Variants in SLC9C1 observed in about 807,000 individuals in gnomAD.
SLC9C1 encodes solute carrier family 9 member C1, also known as sodium/hydrogen exchanger 10.
SLC9C1 carries 97 observed loss-of-function variants against 140.9 expected under a neutral mutation model. The observed-to-expected ratio is 0.69, with a 90% confidence interval of 0.58 to 0.82. The LOEUF (loss-of-function observed/expected upper bound fraction) is 0.82, where lower values mean the gene tolerates loss of function less well. Among genes scored for constraint, SLC9C1 ranks in the 40% least tolerant of loss-of-function variants. The probability of loss-of-function intolerance (pLI) is 0.00; values close to 1 mark genes in which losing one functional copy is unlikely to be tolerated. For missense variants in SLC9C1, 1,340 were observed against 1,389.3 expected, an observed-to-expected ratio of 0.96 and a Z score of 0.56; for synonymous variants, 440 against 442.6, an observed-to-expected ratio of 0.99 and a Z score of 0.07.
At chr3:112,241,679 C>T (rs2079142543) in intron 11 of SLC9C1, among the ~76,000 whole-genome samples, 1 of 152,160 alleles carries the variant, frequency 6.6e-6, no homozygotes, top group Admixed American at 6.5e-5. Context: ...AGAAGCATCA[C>T]ACTACTTGAC....
Position 112,167,262 on chromosome 3 carries a change from A to G in SLC9C1, c.3323T>C (p.Phe1108Ser). The change falls in exon 26 of 29, where the codon TTT becomes TCT. Residue 1108 changes from phenylalanine to serine, a missense_variant. Coordinates refer to ENST00000305815, the MANE Select transcript of SLC9C1 (RefSeq NM_183061.3). ...MKTFRRNIRKFVPKHKSYLTP... is the reference protein window; with the variant it reads ...MKTFRRNIRKSVPKHKSYLTP... ...AAGATAACTTTTATGTTTAGGAACA[A>G]ACTTTCTAATATTCCTTCTGAATGT... The G allele has an allele frequency of 6.2e-7, 1 of 1,610,042 alleles. No homozygotes were observed. The highest frequency in any genetic ancestry group is 8.5e-7 in the Non-Finnish European group (1 of 1,178,364).
intron 27 of SLC9C1, among the ~76,000 whole-genome samples, 158 bp downstream of exon 27, chr3:112,154,839 C>G (rs1576217105): frequency 6.6e-6 from 1 of 152,168 alleles, no homozygotes; most frequent in Non-Finnish European, 1.5e-5. Context: ...ATAATTTCCA[C>G]TGTACCCAGT....
intron 6 of SLC9C1, among the ~76,000 whole-genome samples, chr3:112,271,566 T>A (rs2080079912): frequency 6.6e-6 from 1 of 152,080 alleles, no homozygotes; most frequent in Non-Finnish European, 1.5e-5. Flanking sequence ...AAGCCACGCT[T>A]AAGTTTGTAA....
chr3:112,246,379 A>T (rs1198163020), intron 10 of SLC9C1, among the ~76,000 whole-genome samples: 3 of 152,182 alleles, frequency 2.0e-5, no homozygotes, highest in Non-Finnish European at 4.4e-5. Flanking sequence ...AAACTATATT[A>T]AAAAAACAAA....
chr3:112,165,317 A>G (rs1177464169), intron 26 of SLC9C1, among the ~76,000 whole-genome samples: 1 of 152,088 alleles, frequency 6.6e-6, no homozygotes. Context: ...GCTGGTGAGG[A>G]GCTGCATTCC....
At chr3:112,249,473 T>C (rs1276109861) in intron 10 of SLC9C1, among the ~76,000 whole-genome samples, 1 of 152,102 alleles carries the variant, frequency 6.6e-6, no homozygotes, top group African/African-American at 2.4e-5. Context: ...GCTGGCCTCA[T>C]AGTGTAAGTT....
At chr3:112,146,798 G>A (rs557421929) in intron 28 of SLC9C1, among the ~76,000 whole-genome samples, 46 of 152,230 alleles carry the variant, frequency 3.0e-4, no homozygotes, top group Middle Eastern at 3.4e-3. Flanking sequence ...GATGGGTGGC[G>A]TATTCTGTAG....
chr3:112,146,540 G>C (rs1014850604), intron 28 of SLC9C1, among the ~76,000 whole-genome samples: 1 of 151,980 alleles, frequency 6.6e-6, no homozygotes, highest in Non-Finnish European at 1.5e-5. Context: ...AGTTGTTTTT[G>C]ATTTTTGCCT....
chr3:112,277,759 TA>T lies in SLC9C1; in HGVS notation c.419del (p.Leu140TyrfsTer8). On this transcript the variant is annotated frameshift_variant, in exon 5 of 29. Coordinates refer to ENST00000305815, the MANE Select transcript of SLC9C1 (RefSeq NM_183061.3). LOFTEE classifies it high-confidence loss of function. ...AACTCACAAGGATAGCTGAAAATAA[TA>T]ACCATTGGGTAGGCTTCAAAAGTAA... ...NQLLLKPTQW[L>X]LFSAILVSSD... is the part of the protein sequence containing the mutation. 6.2e-7 allele frequency: 1 copy of T among 1,612,398 alleles called. No individual in the cohort carries two copies. Among genetic ancestry groups the T allele is most frequent in the Non-Finnish European group, 8.5e-7 (1 of 1,179,144 alleles).
rs770906016 is a variant in SLC9C1, at chr3:112,280,685, G to A, written c.187C>T (p.Gln63Ter). Residue 63 changes from glutamine (Q) to a stop codon, truncating the protein, a stop_gained and splice_region_variant, in exon 3 of 29, where the codon CAG becomes TAG. Coordinates refer to ENST00000305815, the MANE Select transcript of SLC9C1 (RefSeq NM_183061.3). LOFTEE classifies it high-confidence loss of function. ...AAATACTCATTTACAATACACACCT[G>A]TGAAGATGTAAAGCTTAATACTTCA... The part of the protein sequence containing the change: ...SFEVLSFTSS[Q>*]VQRYANAIQW... 8 of 1,599,766 alleles carry A rather than the reference G, an allele frequency of 5.0e-6. No homozygotes were observed. Among genetic ancestry groups the A allele is most frequent in the African/African-American group, 2.7e-5 (2 of 74,138 alleles).
chr3:112,259,475 G>A (rs916151821), intron 10 of SLC9C1, among the ~76,000 whole-genome samples: 1 of 150,268 alleles, frequency 6.7e-6, no homozygotes, highest in Non-Finnish European at 1.5e-5. Context: ...GTCCTTTGCA[G>A]CAACATGGAT....
At chr3:112,201,884 A>G (rs2077915836) in intron 18 of SLC9C1, among the ~76,000 whole-genome samples, 3 of 152,014 alleles carry the variant, frequency 2.0e-5, no homozygotes, top group African/African-American at 7.2e-5. Flanking sequence ...CATTATGAGG[A>G]AGCCCTGTTT....
intron 10 of SLC9C1, among the ~76,000 whole-genome samples, chr3:112,262,337 T>G (rs1356977427): frequency 6.6e-6 from 1 of 151,950 alleles, no homozygotes; most frequent in African/African-American, 2.4e-5. Context: ...ATAATGATTA[T>G]CTTGCCACTT....
At chr3:112,203,361 G>T (rs570936139) in intron 17 of SLC9C1, among the ~76,000 whole-genome samples, 1 of 151,882 alleles carries the variant, frequency 6.6e-6, no homozygotes, top group Non-Finnish European at 1.5e-5. Flanking sequence ...CACTAGACTC[G>T]CCTTCCTCAG....
intron 28 of SLC9C1, among the ~76,000 whole-genome samples, chr3:112,150,819 T>C (rs1444757297): frequency 2.2e-5 from 1 of 45,220 alleles, no homozygotes; most frequent in African/African-American, 1.1e-4. Context: ...TAAATACATA[T>C]ACATATATAT....
chr3:112,155,437 A>C (rs1230803118), intron 26 of SLC9C1, among the ~76,000 whole-genome samples: 2 of 152,192 alleles, frequency 1.3e-5, no homozygotes, highest in African/African-American at 4.8e-5. Context: ...ACAGACTAGC[A>C]AACATACAAA....
intron 23 of SLC9C1, among the ~76,000 whole-genome samples, chr3:112,172,577 A>G (rs2077266315): frequency 6.6e-6 from 1 of 152,070 alleles, no homozygotes; most frequent in Non-Finnish European, 1.5e-5. Flanking sequence ...AACAACTCCA[A>G]TATAATACTG....
intron 6 of SLC9C1, among the ~76,000 whole-genome samples, chr3:112,271,354 G>T (rs942254131): frequency 7.2e-6 from 1 of 138,160 alleles, no homozygotes; most frequent in Admixed American, 8.0e-5. Context: ...ATAGTTAAAT[G>T]AGGTGACGTT....
At chr3:112,237,199 G>T (rs576912100) in intron 12 of SLC9C1, among the ~76,000 whole-genome samples, 3 of 152,146 alleles carry the variant, frequency 2.0e-5, no homozygotes, top group Non-Finnish European at 2.9e-5. Flanking sequence ...TTGTTGAACT[G>T]ATCCCTTTAC....
Sources: allele counts gnomAD v4.1 joint callset (sites outside exome capture counted in the v4.1 genomes callset), GRCh38; gene constraint gnomAD v4.1.1; transcripts MANE v1.5; gene names NCBI Gene and HGNC (gene_info 2026-07-23, HGNC 2026-07-21).